The following FNDC3B variants were observed in gnomAD, a reference collection of about 807,000 sequenced individuals.
The protein encoded by FNDC3B is fibronectin type III domain containing 3B, also known as fibronectin type III domain-containing protein 3B.
In FNDC3B, 12 loss-of-function variants were observed where a neutral mutation model predicts 151.5. That is an observed-to-expected ratio of 0.08 (90% CI 0.05 to 0.13). FNDC3B has a LOEUF of 0.13. Among genes scored for constraint, FNDC3B ranks in the 10% least tolerant of loss-of-function variants. The pLI is 1.00. For synonymous variants in FNDC3B, 528 were observed against 549.0 expected (o/e 0.96, Z 0.54); for missense variants, 1,214 against 1,505.3 (o/e 0.81, Z 3.20).
At chr3:172,312,510 GTTTAATGAAAGTCTCT>G (rs1731560041) in intron 11 of FNDC3B, among the ~76,000 whole-genome samples, 1 of 152,110 alleles carries the variant, frequency 6.6e-6, no homozygotes, top group Non-Finnish European at 1.5e-5. Flanking sequence ...ACAGGTGACC[GTTTAATGAAAGTCTCT>G]TTTTATATGT....
intron 3 of FNDC3B, among the ~76,000 whole-genome samples, chr3:172,148,773 G>C (rs1722061214): frequency 6.6e-6 from 1 of 152,178 alleles, no homozygotes; most frequent in Admixed American, 6.5e-5. Context: ...CATAGTGTCT[G>C]AGTTCTGCTC....
At chr3:172,189,799 TAAAAAAAAAAAAAAAAAAA>T (rs60894339) in intron 3 of FNDC3B, among the ~76,000 whole-genome samples, 1 of 84,296 alleles carries the variant, frequency 1.2e-5, no homozygotes, top group Non-Finnish European at 2.2e-5. Context: ...AGACCTTGTC[TAAAAAAAAAAAAAAAAAAA>T]AAAAAAAAAA....
At chr3:172,125,740 A>G (rs1311451131) in intron 2 of FNDC3B, among the ~76,000 whole-genome samples, 1 of 152,206 alleles carries the variant, frequency 6.6e-6, no homozygotes, top group Non-Finnish European at 1.5e-5. Flanking sequence ...GAAAATGGCC[A>G]CTTCGCGTCA....
chr3:172,060,824 T>C (rs1057442539), intron 1 of FNDC3B, among the ~76,000 whole-genome samples: 1 of 152,244 alleles, frequency 6.6e-6, no homozygotes, highest in Non-Finnish European at 1.5e-5. Context: ...TGAAAACTTA[T>C]GTTTGATTTT....
intron 1 of FNDC3B, among the ~76,000 whole-genome samples, chr3:172,101,343 A>G (rs1157357682): frequency 1.3e-5 from 2 of 152,334 alleles, no homozygotes; most frequent in Middle Eastern, 3.4e-3. Context: ...GAAGTGTCCA[A>G]TGCAGATTCG....
At chr3:172,296,726 G>A (rs1730627978) in intron 8 of FNDC3B, among the ~76,000 whole-genome samples, 1 of 152,196 alleles carries the variant, frequency 6.6e-6, no homozygotes, top group Admixed American at 6.5e-5. Flanking sequence ...TGCCTGGCAA[G>A]GAACAGATGC....
chr3:172,206,574 A>G lies in FNDC3B; in HGVS notation c.188-20297A>G, dbSNP rs184089260. ...CTCAGGAAGCTGAGGCATGAGAATC[A>G]CGTGAATCCAGAAGGCGGATGTTGC... is the stretch of plus-strand genomic sequence containing the variant. On this transcript the variant is annotated intron_variant, in intron 3 of 25. Transcript: ENST00000415807. 4.4e-3 allele frequency among the ~76,000 whole-genome samples: 665 copies of G among 149,536 alleles called. 2 individuals are homozygous for G. The highest frequency in any genetic ancestry group is 0.015 in the African/African-American group (629 of 40,852).
chr3:172,151,897 AT>A (rs748103724), intron 3 of FNDC3B, among the ~76,000 whole-genome samples: 111 of 152,298 alleles, frequency 7.3e-4, no homozygotes, highest in Middle Eastern at 3.4e-3. Flanking sequence ...GGATGACGTT[AT>A]GTGAGGGCTT....
chr3:172,093,315 G>A (rs1291509081), intron 1 of FNDC3B, among the ~76,000 whole-genome samples: 4 of 150,216 alleles, frequency 2.7e-5, no homozygotes, highest in Non-Finnish European at 4.4e-5. Context: ...CTGGAGTGCA[G>A]TGGCACTATC....
intron 9 of FNDC3B, among the ~76,000 whole-genome samples, chr3:172,304,284 C>A (rs529814522): frequency 6.6e-6 from 1 of 152,328 alleles, no homozygotes; most frequent in Non-Finnish European, 1.5e-5. Context: ...AGGCTGTTTC[C>A]CTGCCTTCCT....
chr3:172,239,400 G>A (rs1727349841), intron 4 of FNDC3B, among the ~76,000 whole-genome samples: 1 of 152,126 alleles, frequency 6.6e-6, no homozygotes, highest in Admixed American at 6.5e-5. Context: ...AGGCATGTTG[G>A]CAGCAATAAG....
At chr3:172,175,214 G>C (rs1031193905) in intron 3 of FNDC3B, among the ~76,000 whole-genome samples, 2 of 152,066 alleles carry the variant, frequency 1.3e-5, no homozygotes, top group African/African-American at 4.8e-5. Flanking sequence ...AAAAGCTACA[G>C]AGAGCTAATG....
chr3:172,260,079 T>G (rs1401663377), intron 6 of FNDC3B, among the ~76,000 whole-genome samples: 1 of 152,210 alleles, frequency 6.6e-6, no homozygotes, highest in East Asian at 1.9e-4. Context: ...TGGGAACTGA[T>G]CATGACAGCA....
intron 3 of FNDC3B, among the ~76,000 whole-genome samples, chr3:172,200,998 A>G (rs527812915): frequency 5.9e-5 from 9 of 152,344 alleles, no homozygotes; most frequent in African/African-American, 2.2e-4. Flanking sequence ...TGCCGTACAC[A>G]TATGTGGGCA....
At chr3:172,204,491 G>C (rs1725325277) in intron 3 of FNDC3B, among the ~76,000 whole-genome samples, 1 of 152,138 alleles carries the variant, frequency 6.6e-6, no homozygotes, top group Admixed American at 6.5e-5. Context: ...TACATGCACA[G>C]ACAAAAATAA....
intron 5 of FNDC3B, among the ~76,000 whole-genome samples, chr3:172,248,564 CTA>C (rs1204090283): frequency 1.3e-5 from 2 of 151,936 alleles, no homozygotes; most frequent in African/African-American, 2.4e-5. Context: ...CTGAGTCTGA[CTA>C]TGAATGGAAG....
chr3:172,341,043 T>A, intron 16 of FNDC3B, 70 bp from the exon 17 acceptor site: 1 of 999,694 alleles, frequency 1.0e-6, no homozygotes. Flanking sequence ...GAGCTTTTTC[T>A]TGTCAGCAAT....
chr3:172,118,099 GC>G (rs1720352945), intron 2 of FNDC3B, among the ~76,000 whole-genome samples: 1 of 152,014 alleles, frequency 6.6e-6, no homozygotes, highest in South Asian at 2.1e-4. Context: ...TTTCCTCTAG[GC>G]AGAATATGTA....
intron 1 of FNDC3B, among the ~76,000 whole-genome samples, chr3:172,084,429 G>A (rs1718442082): frequency 1.4e-5 from 2 of 141,892 alleles, no homozygotes; most frequent in Non-Finnish European, 3.1e-5. Context: ...CCAACCTGGT[G>A]ACAGAGTGAG....
Sources: allele counts gnomAD v4.1 joint callset (sites outside exome capture counted in the v4.1 genomes callset), GRCh38; gene constraint gnomAD v4.1.1; transcripts MANE v1.5; gene names NCBI Gene and HGNC (gene_info 2026-07-23, HGNC 2026-07-21).